Variants in FLNA observed in about 807,000 individuals in gnomAD.
FLNA encodes the protein filamin-A.
Under a neutral mutation model 157.6 loss-of-function variants are expected in FLNA, and 7 were observed. The observed-to-expected ratio is 0.04, with a 90% CI of 0.03 to 0.08. FLNA has a LOEUF of 0.08. FLNA is among the 10% of genes least tolerant of loss of function. The pLI is 1.00. For synonymous variants in FLNA, 1,103 were observed against 1,060.8 expected (o/e 1.04, Z -0.77); for missense variants, 1,750 against 2,398.4 (o/e 0.73, Z 5.65).
intron 21 of FLNA, among the ~76,000 whole-genome samples, chrX:154,360,852 G>C (rs910396042): frequency 9.2e-6 from 1 of 109,152 alleles, no homozygotes; most frequent in Admixed American, 9.8e-5. Flanking sequence ...TTTGAGAACA[G>C]CCTGGCCAAC....
chrX:154,367,976 GCCT>G lies in FLNA; in HGVS notation c.485_487del (p.Glu162del). The G allele has an allele frequency of 8.3e-7, 1 of 1,211,039 alleles. No homozygotes were observed. The highest frequency in any genetic ancestry group is 1.1e-6 in the Non-Finnish European group (1 of 895,022). ...CCTCTGCTTGGGGGTCTGCTTCTTG[GCCT>G]CCTCATCCTCCTCCTCGTCCCACAT... On this transcript the variant is annotated inframe_deletion, in exon 3 of 48. Coordinates refer to ENST00000369850, the MANE Select transcript of FLNA (RefSeq NM_001110556.2).
chrX:154,350,806 G>T, intron 44 of FLNA, 103 bp downstream of exon 44: 1 of 1,009,748 alleles, frequency 9.9e-7, no homozygotes. Context: ...CCCAGGAGTT[G>T]GGGCCCCGTC....
intron 19 of FLNA, 55 bp downstream of exon 19, chrX:154,361,924 G>A (rs1359036921): frequency 7.7e-6 from 9 of 1,168,367 alleles, no homozygotes; most frequent in Middle Eastern, 2.3e-4. Context: ...CTGTCCCCTA[G>A]GCTGCTGCAT....
In FLNA at chrX:154,366,138, C is replaced by T. The variant is rs963606772; in HGVS notation, c.1315G>A (p.Asp439Asn). 7.4e-6 allele frequency: 9 copies of T among 1,208,876 alleles called. No individual in the cohort carries two copies. In the African/African-American group the frequency reaches 1.0e-4, roughly 14 times the overall value. Reference protein sequence around the residue: ...TVEPQLEARGDSTYRCSYQPT... With the variant: ...TVEPQLEARGNSTYRCSYQPT... Reference sequence around the variant, plus strand: ...TGGTAGCTGCAGCGGTATGTGCTGTCGCCCCGGGCCTCCAGCTGAGGCTCT... The same window carrying T: ...TGGTAGCTGCAGCGGTATGTGCTGTTGCCCCGGGCCTCCAGCTGAGGCTCT... The change falls in exon 9 of 48, where the codon GAC (aspartate) becomes AAC (asparagine). Residue 439 changes from aspartate to asparagine, a missense_variant. Physicochemically the swap from Asp to Asn is conservative, Grantham distance 23. Around this residue, in one of 5 missense-constraint regions of FLNA, gnomAD observed 648 missense variants for 805.8 expected, o/e 0.80. Transcript: ENST00000369850.
chrX:154,362,510 C>T lies in FLNA; in HGVS notation c.2473G>A (p.Asp825Asn), dbSNP rs782555729. The change falls in exon 17 of 48, where the codon GAC becomes AAC. Residue 825 changes from aspartate (D) to asparagine (N), a missense_variant. Transcript: ENST00000369850. ...GTGTCATTGTCATTGCGGATGATGT[C>T]GAAGTCGATGTCAGCTTCGGCGGGG... ...VGPAEADIDFDIIRNDNDTFT... is the reference protein window; with the variant it reads ...VGPAEADIDFNIIRNDNDTFT... 1.7e-6 allele frequency: 2 copies of T among 1,211,372 alleles called. No individual in the cohort carries two copies. The highest frequency in any genetic ancestry group is 3.5e-5 in the South Asian group (2 of 57,039).
chrX:154,349,697 C>T lies in FLNA; in HGVS notation c.7504G>A (p.Gly2502Ser), dbSNP rs782276654. The T allele has an allele frequency of 2.3e-5, 28 of 1,210,852 alleles. No homozygotes were observed. The East Asian group carries it at 7.7e-4, about 33-fold the overall frequency. Residue 2502 changes from glycine (G) to serine (S), a missense_variant, in exon 46 of 48, where the codon GGC becomes AGC. Physicochemically the swap from Gly to Ser is moderately conservative, Grantham distance 56 (BLOSUM62 0). This residue lies in a region of FLNA where 970 missense variants were observed against 1,302.6 expected (regional missense o/e 0.74). Transcript: ENST00000369850. ...PGSYLISIKY[G>S]GPYHIGGSPF... ...CTGCCCCCAATGTGGTAGGGGCCGCCGTACTTGATGGAGATGAGGTAGCTG... is the reference window on the plus strand; with the variant it reads ...CTGCCCCCAATGTGGTAGGGGCCGCTGTACTTGATGGAGATGAGGTAGCTG...
At position 154,366,865 on chromosome X, in the gene FLNA, C is replaced by A; in HGVS notation, c.869-15G>T. 8.5e-7 allele frequency: 1 copy of A among 1,169,682 alleles called. No individual in the cohort carries two copies. The highest frequency in any genetic ancestry group is 2.4e-4 in the Middle Eastern group (1 of 4,250). On this transcript the variant is annotated splice_polypyrimidine_tract_variant and intron_variant, in intron 5 of 47. Coordinates refer to ENST00000369850, the MANE Select transcript of FLNA (RefSeq NM_001110556.2). ...GGGCTCGATGCCTGGCAGGGGAAGG[C>A]GAGCCAACCACGGGCCAGCTGTTAA...
chrX:154,358,383 C>T (rs1603360576), intron 27 of FLNA, 28 bp from the exon 28 acceptor site: 2 of 1,209,940 alleles, frequency 1.7e-6, no homozygotes, highest in East Asian at 5.9e-5. Flanking sequence ...TGTGAGCAGT[C>T]AGACAGGTTC....
At chrX:154,358,058 T>C in intron 28 of FLNA, 141 bp downstream of exon 28, 1 of 694,130 alleles carries the variant, frequency 1.4e-6, no homozygotes, top group Admixed American at 2.5e-5. Flanking sequence ...AGTCACAACC[T>C]TAGCAAACCA....
chrX:154,350,551 C>A (rs1438986361), intron 44 of FLNA: 2 of 384,378 alleles, frequency 5.2e-6, no homozygotes, highest in Non-Finnish European at 9.2e-6. Context: ...CTGGGAAGGG[C>A]AGGACTAGGC....
chrX:154,364,980 G>A, intron 11 of FLNA, 23 bp from the exon 12 acceptor site: 2 of 1,211,108 alleles, frequency 1.7e-6, no homozygotes, highest in Non-Finnish European at 2.2e-6. Context: ...GAGCCACACA[G>A]GGAACACCGA....
intron 30 of FLNA, among the ~76,000 whole-genome samples, chrX:154,355,729 G>A (rs1293815220): frequency 8.8e-6 from 1 of 113,096 alleles, no homozygotes; most frequent in Non-Finnish European, 1.9e-5. Context: ...GGAACAGGAG[G>A]CCCAAGCTAC....
Position 154,365,184 on chromosome X carries a change from C to G in FLNA, c.1643G>C (p.Gly548Ala). 8.3e-7 allele frequency: 1 copy of G among 1,211,691 alleles called. No individual in the cohort carries two copies. Among genetic ancestry groups the G allele is most frequent in the Non-Finnish European group, 1.1e-6 (1 of 895,328 alleles). The change falls in exon 11 of 48, where the codon GGA becomes GCA. Residue 548 changes from glycine to alanine, a missense_variant. Gly to Ala is a moderately conservative substitution (Grantham distance 60, BLOSUM62 0). Coordinates refer to ENST00000369850, the MANE Select transcript of FLNA (RefSeq NM_001110556.2). ...CCACGTGATGGTGACGATATAGGTT[C>G]CAGGGACCATGGGGTAATACTCGAA... The part of the protein sequence containing the change: ...YGFEYYPMVP[G>A]TYIVTITWGG...
At chrX:154,350,700 T>C in intron 44 of FLNA, 1 of 453,313 alleles carries the variant, frequency 2.2e-6, no homozygotes, top group Admixed American at 3.4e-5. Flanking sequence ...GGCATGGTAC[T>C]GCAGGGTAGA....
Position 154,351,601 on chromosome X carries a change from G to C in FLNA, c.7003C>G (p.Leu2335Val). Reference protein sequence around the residue: ...VASPSGDARRLTVSSLQESGL... With the variant: ...VASPSGDARRVTVSSLQESGL... Reference sequence around the variant, plus strand: ...CTCACCTGAAGGCTAGAAACAGTGAGGCGGCGGGCGTCGCCAGACGGAGAA... The same window carrying C: ...CTCACCTGAAGGCTAGAAACAGTGACGCGGCGGGCGTCGCCAGACGGAGAA... Residue 2335 changes from leucine to valine, a missense_variant, in exon 43 of 48, where the codon CTC becomes GTC. Physicochemically the swap from Leu to Val is conservative, Grantham distance 32. This residue lies in a region of FLNA where 970 missense variants were observed against 1,302.6 expected (regional missense o/e 0.74). Coordinates refer to ENST00000369850, the MANE Select transcript of FLNA (RefSeq NM_001110556.2). The C allele has an allele frequency of 2.5e-6, 3 of 1,205,249 alleles. No homozygotes were observed. Among genetic ancestry groups the C allele is most frequent in the Non-Finnish European group, 3.4e-6 (3 of 890,010 alleles).
Position 154,352,765 on chromosome X carries a change from C to T in FLNA, c.6379+7G>A. The stretch of plus-strand genomic sequence containing the variant: ...GAGGGGGGCTGCCGAGGCACTGCTG[C>T]ACTCACCAGGCACGTGCTGGTCGGC... On this transcript the variant is annotated splice_region_variant and intron_variant, in intron 39 of 47. Coordinates refer to ENST00000369850, the MANE Select transcript of FLNA (RefSeq NM_001110556.2). 8.3e-7 allele frequency: 1 copy of T among 1,210,869 alleles called. No homozygotes were observed. The highest frequency in any genetic ancestry group is 1.1e-6 in the Non-Finnish European group (1 of 895,044).
chrX:154,372,467 G>A (rs1265468979), intron 1 of FLNA, among the ~76,000 whole-genome samples: 4 of 111,783 alleles, frequency 3.6e-5, no homozygotes, highest in African/African-American at 1.3e-4. Context: ...GGAGGCCTGA[G>A]GACAGGGATC....
Position 154,351,420 on chromosome X carries a change from C to G in FLNA, c.7023+161G>C, listed in dbSNP as rs932000802. 5 of 454,071 alleles carry G rather than the reference C, an allele frequency of 1.1e-5. No homozygotes were observed. The African/African-American group carries it at 1.2e-4, about 11-fold the overall frequency. The allele number at this position is 454,071 out of a possible 1,213,427, so 37.4% of individuals were successfully genotyped here. On this transcript the variant is annotated intron_variant, in intron 43 of 47. Coordinates refer to ENST00000369850, the MANE Select transcript of FLNA (RefSeq NM_001110556.2). ...CACGTGGTGGGCAGGATATTTCCTG[C>G]CGACCCCAAGCGTGGGCTGCACCCG...
Position 154,359,140 on chromosome X carries a change from C to G in FLNA, c.4318G>C (p.Val1440Leu), listed in dbSNP as rs2067684579. The change falls in exon 26 of 48, where the codon GTC becomes CTC. Residue 1440 changes from valine to leucine, a missense_variant. By Grantham distance (32) the Val-to-Leu change is conservative. Transcript: ENST00000369850. ...GHQVPGSPFK[V>L]PVHDVTDASK... ...GCATCTGTCACATCATGCACAGGGACCTTGAAAGGACTGCCTGAGGGTTGG... is the reference window on the plus strand; with the variant it reads ...GCATCTGTCACATCATGCACAGGGAGCTTGAAAGGACTGCCTGAGGGTTGG... 1 of 1,210,034 alleles carries G rather than the reference C, an allele frequency of 8.3e-7. No individual in the cohort carries two copies. Among genetic ancestry groups the G allele is most frequent in the Admixed American group, 2.2e-5 (1 of 45,933 alleles).
Sources: allele counts gnomAD v4.1 joint callset (sites outside exome capture counted in the v4.1 genomes callset), GRCh38; gene constraint gnomAD v4.1.1; regional missense constraint gnomAD v4.1.1; transcripts MANE v1.5; gene names NCBI Gene and HGNC (gene_info 2026-07-23, HGNC 2026-07-21).